Variants in CLINT1 observed in about 807,000 individuals in gnomAD.
CLINT1 encodes clathrin interacting protein localized in the trans-Golgi region.
CLINT1 carries 15 observed loss-of-function variants against 70.4 expected under a neutral mutation model. The observed-to-expected ratio is 0.21, with a 90% CI of 0.14 to 0.33. The LOEUF (loss-of-function observed/expected upper bound fraction) is 0.33, where lower values mean the gene tolerates loss of function less well. Among genes scored for constraint, CLINT1 ranks in the 10% least tolerant of loss-of-function variants. The pLI, the probability that CLINT1 is intolerant of heterozygous loss-of-function variation, is 1.00. For missense variants in CLINT1, 615 were observed against 778.1 expected (o/e 0.79, Z 2.49); for synonymous variants, 227 against 254.7 (o/e 0.89, Z 1.04).
At chr5:157,837,729 C>G (rs971551361) in intron 1 of CLINT1, among the ~76,000 whole-genome samples, 1 of 149,956 alleles carries the variant, frequency 6.7e-6, no homozygotes, top group Non-Finnish European at 1.5e-5. Flanking sequence ...CTGCAACCTC[C>G]ACCTCCCAGG....
At chr5:157,848,141 G>C (rs1435678172) in intron 1 of CLINT1, among the ~76,000 whole-genome samples, 1 of 151,780 alleles carries the variant, frequency 6.6e-6, no homozygotes, top group African/African-American at 2.4e-5. Flanking sequence ...GTCTCGCTCT[G>C]TCGCCCAGGC....
intron 6 of CLINT1, among the ~76,000 whole-genome samples, chr5:157,807,427 A>G (rs914944125): frequency 1.3e-5 from 2 of 152,128 alleles, no homozygotes; most frequent in Non-Finnish European, 2.9e-5. Flanking sequence ...AGTTGAAAAT[A>G]TAAATCTGAC....
Position 157,859,066 on chromosome 5 carries a change from GCCGCCCGCCGCCTCGAACT to G in CLINT1, c.-115_-97del. Reference sequence around the variant, plus strand: ...GGGGCAGTTCCAGGCCGGGGTCACCGCCGCCCGCCGCCTCGAACTCCCCCAGTCAGCTCCTTCCTTTGCC... The same window carrying G: ...GGGGCAGTTCCAGGCCGGGGTCACCGCCCCCAGTCAGCTCCTTCCTTTGCC... On this transcript the variant is annotated 5_prime_UTR_variant, in exon 1 of 12. Coordinates refer to ENST00000411809, the MANE Select transcript of CLINT1 (RefSeq NM_014666.4). 7.2e-7 allele frequency: 1 copy of G among 1,387,446 alleles called. No individual in the cohort carries two copies. Among genetic ancestry groups the G allele is most frequent in the South Asian group, 1.3e-5 (1 of 78,444 alleles). The allele number at this position is 1,387,446 out of a possible 1,614,324, so 85.9% of individuals were successfully genotyped here.
chr5:157,803,503 G>T, intron 8 of CLINT1, 147 bp downstream of exon 8: 1 of 504,602 alleles, frequency 2.0e-6, no homozygotes, highest in African/African-American at 2.0e-5. Context: ...ATAACACAAT[G>T]ATTCCAAATA....
intron 3 of CLINT1, among the ~76,000 whole-genome samples, chr5:157,815,857 A>T (rs1762706190): frequency 6.6e-6 from 1 of 152,238 alleles, no homozygotes; most frequent in African/African-American, 2.4e-5. Context: ...TTTTGTATCT[A>T]AACATAGAAA....
chr5:157,837,052 T>C (rs911437110), intron 1 of CLINT1, among the ~76,000 whole-genome samples: 13 of 152,208 alleles, frequency 8.5e-5, no homozygotes, highest in Non-Finnish European at 1.6e-4. Flanking sequence ...TTTATTCCCC[T>C]TGGGATATAA....
chr5:157,838,654 T>C (rs1763514745), intron 1 of CLINT1, among the ~76,000 whole-genome samples: 1 of 152,194 alleles, frequency 6.6e-6, no homozygotes, highest in African/African-American at 2.4e-5. Flanking sequence ...CAGTAATCAG[T>C]TGCTGGTATA....
chr5:157,833,718 C>T (rs1202529893), intron 1 of CLINT1, among the ~76,000 whole-genome samples: 1 of 152,060 alleles, frequency 6.6e-6, no homozygotes, highest in Admixed American at 6.5e-5. Context: ...TGAGGTGGAT[C>T]ACTTGAGCCT....
chr5:157,810,338 A>T (rs1487947469), intron 5 of CLINT1, among the ~76,000 whole-genome samples: 2 of 152,238 alleles, frequency 1.3e-5, no homozygotes, highest in African/African-American at 4.8e-5. Flanking sequence ...CAAACTAAAA[A>T]AATAATTCAA....
chr5:157,814,999 C>T (rs1762673742), intron 3 of CLINT1, among the ~76,000 whole-genome samples: 1 of 149,710 alleles, frequency 6.7e-6, no homozygotes, highest in African/African-American at 2.5e-5. Context: ...CACCACTGCA[C>T]TCCAGCCTCG....
At chr5:157,823,638 C>G (rs555105143) in intron 1 of CLINT1, 35 of 293,002 alleles carry the variant, frequency 1.2e-4, no homozygotes, top group Non-Finnish European at 1.6e-4. Flanking sequence ...TAAAAGTCAC[C>G]TTTTATCCTC....
intron 1 of CLINT1, among the ~76,000 whole-genome samples, chr5:157,820,934 C>A (rs1235369683): frequency 1.3e-5 from 2 of 152,128 alleles, no homozygotes; most frequent in African/African-American, 4.8e-5. Context: ...GAAAAAGACA[C>A]CGCCCCTCCC....
chr5:157,804,939 AAAAG>A (rs1469204753), intron 7 of CLINT1, among the ~76,000 whole-genome samples: 2 of 152,060 alleles, frequency 1.3e-5, no homozygotes, highest in African/African-American at 2.4e-5. Flanking sequence ...CAAAAAAAGA[AAAAG>A]AAAAAGAAAA....
chr5:157,800,703 A>G (rs1207945029), intron 8 of CLINT1, among the ~76,000 whole-genome samples: 3 of 152,170 alleles, frequency 2.0e-5, no homozygotes, highest in Non-Finnish European at 4.4e-5. Context: ...ATTTCATTCA[A>G]ACTTTCTCAG....
At chr5:157,801,726 G>A (rs1182763938) in intron 8 of CLINT1, among the ~76,000 whole-genome samples, 2 of 152,082 alleles carry the variant, frequency 1.3e-5, no homozygotes, top group African/African-American at 2.4e-5. Flanking sequence ...CCAGCTACTC[G>A]AGAAGCTTAG....
intron 1 of CLINT1, among the ~76,000 whole-genome samples, chr5:157,846,852 C>T (rs564712418): frequency 5.4e-4 from 82 of 152,254 alleles, no homozygotes; most frequent in Non-Finnish European, 8.4e-4. Flanking sequence ...AGAAATAGAA[C>T]AACAAAGCCT....
intron 1 of CLINT1, among the ~76,000 whole-genome samples, chr5:157,844,503 T>A (rs1301884550): frequency 6.6e-6 from 1 of 152,186 alleles, no homozygotes; most frequent in Non-Finnish European, 1.5e-5. Context: ...TAATAAGCAC[T>A]CAGTGAAGGA....
chr5:157,785,764 T>G lies in CLINT1; in HGVS notation c.*1882A>C, dbSNP rs563451600. 2.0e-5 allele frequency: 3 copies of G among 152,332 alleles called. No individual in the cohort carries two copies. Among genetic ancestry groups the G allele is most frequent in the African/African-American group, 7.2e-5 (3 of 41,582 alleles). 9.4% of individuals were successfully genotyped at this position (152,332 alleles called of 1,614,324 possible). Reference sequence around the variant, plus strand: ...CACAAAGGTTCAGATAAACATTTACTTCGTCTAAGAACCATACATATTTGA... The same window carrying G: ...CACAAAGGTTCAGATAAACATTTACGTCGTCTAAGAACCATACATATTTGA... On this transcript the variant is annotated 3_prime_UTR_variant, in exon 12 of 12. Transcript: ENST00000411809.
chr5:157,838,946 T>C lies in CLINT1; in HGVS notation c.41+19984A>G, dbSNP rs185745894. Reference sequence around the variant, plus strand: ...CTTATTCTCTTTATATTTAATAATATGAAACAGACCAGGTGTGCTGGCTCA... The same window carrying C: ...CTTATTCTCTTTATATTTAATAATACGAAACAGACCAGGTGTGCTGGCTCA... On this transcript the variant is annotated intron_variant, in intron 1 of 11. Coordinates refer to ENST00000411809, the MANE Select transcript of CLINT1 (RefSeq NM_014666.4). Among the ~76,000 whole-genome samples, 73 of 152,380 alleles carry C rather than the reference T, an allele frequency of 4.8e-4. 1 individual carries two copies. Among genetic ancestry groups the C allele is most frequent in the African/African-American group, 1.7e-3 (72 of 41,596 alleles).
Sources: allele counts gnomAD v4.1 joint callset (sites outside exome capture counted in the v4.1 genomes callset), GRCh38; gene constraint gnomAD v4.1.1; transcripts MANE v1.5; gene names NCBI Gene and HGNC (gene_info 2026-07-23, HGNC 2026-07-21).